Variants in STARD9 observed in about 807,000 individuals in gnomAD.
The protein encoded by STARD9 is stAR-related lipid transfer protein 9.
STARD9 carries 346 observed loss-of-function variants against 399.8 expected under a neutral mutation model. The observed-to-expected ratio is 0.87, with a 90% CI of 0.79 to 0.95. The LOEUF is 0.95. Among genes scored for constraint, STARD9 ranks in the 40% least tolerant of loss-of-function variants. The probability of loss-of-function intolerance (pLI) is 0.00; values close to 1 mark genes in which losing one functional copy is unlikely to be tolerated. For synonymous variants in STARD9, 2,203 were observed against 2,143.5 expected (o/e 1.03, Z -0.77); for missense variants, 5,832 against 5,667.5 (o/e 1.03, Z -0.93).
chr15:42,674,933 G>T lies in STARD9; in HGVS notation c.1656G>T (p.Arg552=). The change falls in exon 18 of 33, where the codon CGG becomes CGT. Residue 552 remains arginine (R), a synonymous_variant. Coordinates refer to ENST00000290607, the MANE Select transcript of STARD9 (RefSeq NM_020759.3). The stretch of plus-strand genomic sequence containing the variant: ...GGGCCCGCTGTACAGTCAATGGCCG[G>T]GAGGTCACTGCCTCCTGCCGTCTGA... ...ARGARCTVNG[R]EVTASCRLTQ... 1 of 1,536,572 alleles carries T rather than the reference G, an allele frequency of 6.5e-7. No homozygotes were observed. The highest frequency in any genetic ancestry group is 8.7e-7 in the Non-Finnish European group (1 of 1,146,622).
At chr15:42,589,335 A>T (rs373463330) in intron 3 of STARD9, among the ~76,000 whole-genome samples, 2 of 152,204 alleles carry the variant, frequency 1.3e-5, no homozygotes, top group South Asian at 4.1e-4. Flanking sequence ...TATAGGCATG[A>T]GTCACCACGC....
chr15:42,658,346 G>C (rs966823260), intron 9 of STARD9, among the ~76,000 whole-genome samples: 6 of 150,214 alleles, frequency 4.0e-5, no homozygotes, highest in Non-Finnish European at 7.4e-5. Context: ...AATAACTTTT[G>C]TATTTTTTTT....
At chr15:42,710,081 A>C (rs1420698031) in intron 26 of STARD9, among the ~76,000 whole-genome samples, 2 of 129,492 alleles carry the variant, frequency 1.5e-5, no homozygotes, top group Non-Finnish European at 3.2e-5. Context: ...TTTTTTTGAG[A>C]CAGGGTCTTG....
At position 42,719,463 on chromosome 15, in the gene STARD9, C is replaced by G. The variant is rs1430558651; in HGVS notation, c.14002-10C>G. The G allele has an allele frequency of 6.6e-7, 1 of 1,523,066 alleles. No individual in the cohort carries two copies. Among genetic ancestry groups the G allele is most frequent in the South Asian group, 1.2e-5 (1 of 83,762 alleles). The allele number at this position is 1,523,066 out of a possible 1,614,324, so 94.3% of individuals were successfully genotyped here. A position where few individuals can be genotyped will look rare whatever the true frequency, so the allele number is the denominator to read the frequency against. On this transcript the variant is annotated splice_polypyrimidine_tract_variant and intron_variant, in intron 32 of 32. Coordinates refer to ENST00000290607, the MANE Select transcript of STARD9 (RefSeq NM_020759.3). ...ATTTGCACCTTAAATTCTTCTCTCT[C>G]TGCTTTCAGGTGGAACTTGGTGCTC...
intron 3 of STARD9, among the ~76,000 whole-genome samples, chr15:42,617,949 G>A (rs902505320): frequency 6.6e-6 from 1 of 151,796 alleles, no homozygotes; most frequent in African/African-American, 2.4e-5. Flanking sequence ...TTGTACATAC[G>A]GGGTCCCACT....
At chr15:42,698,225 T>C (rs535352166) in intron 26 of STARD9, among the ~76,000 whole-genome samples, 34 of 152,224 alleles carry the variant, frequency 2.2e-4, no homozygotes, top group Non-Finnish European at 4.9e-4. Context: ...TATCATTTTG[T>C]ACATAGGCAA....
rs544510397 is a variant in STARD9, at chr15:42,646,160, T to TCAA, written c.560-4840_560-4838dup. 1.7e-3 allele frequency among the ~76,000 whole-genome samples: 253 copies of TCAA among 152,034 alleles called. 3 individuals are homozygous for TCAA. The highest frequency in any genetic ancestry group is 2.4e-3 in the Non-Finnish European group (161 of 67,986). On this transcript the variant is annotated intron_variant, in intron 7 of 32. Coordinates refer to ENST00000290607, the MANE Select transcript of STARD9 (RefSeq NM_020759.3). ...TGGTGAACAAGAGTGAAACTCCGTC[T>TCAA]CAACAACAACAACAACAATAATAAT...
At chr15:42,600,254 G>A (rs1310758540) in intron 3 of STARD9, among the ~76,000 whole-genome samples, 2 of 152,170 alleles carry the variant, frequency 1.3e-5, no homozygotes, top group African/African-American at 4.8e-5. Context: ...AGCCTATATA[G>A]GACATGTCAT....
Position 42,720,084 on chromosome 15 carries a change from T to G in STARD9, c.*510T>G, listed in dbSNP as rs1294160500. On this transcript the variant is annotated 3_prime_UTR_variant, in exon 33 of 33. Coordinates refer to ENST00000290607, the MANE Select transcript of STARD9 (RefSeq NM_020759.3). ...ACAGAAAGAGGGTTTAAAAAACAGC[T>G]GCACAAACCAGAACACCGATTCAGA... 1 of 152,854 alleles carries G rather than the reference T, an allele frequency of 6.5e-6. No homozygotes were observed. Among genetic ancestry groups the G allele is most frequent in the South Asian group, 2.1e-4 (1 of 4,838 alleles). The allele number at this position is 152,854 out of a possible 1,614,324, so 9.5% of individuals were successfully genotyped here. A position where few individuals can be genotyped will look rare whatever the true frequency, so the allele number is the denominator to read the frequency against.
rs577635406 is a variant in STARD9, at chr15:42,691,011, G to T, written c.9433G>T (p.Asp3145Tyr). The T allele has an allele frequency of 8.1e-5, 124 of 1,537,206 alleles. No homozygotes were observed. In the Admixed American group the frequency reaches 2.3e-3, roughly 28 times the overall value. ...AACAACTCAGGGACCACACACCCTGGATTTAAGTGAAGGGTCTGCTGAGAG... is the reference window on the plus strand; with the variant it reads ...AACAACTCAGGGACCACACACCCTGTATTTAAGTGAAGGGTCTGCTGAGAG... ...PATTQGPHTL[D>Y]LSEGSAESKL... Residue 3145 changes from aspartate (D) to tyrosine (Y), a missense_variant, in exon 23 of 33, where the codon GAT (aspartate) becomes TAT (tyrosine). By Grantham distance (160) the Asp-to-Tyr change is radical. Transcript: ENST00000290607.
At position 42,693,795 on chromosome 15, in the gene STARD9, C is replaced by G; in HGVS notation, c.12217C>G (p.Leu4073Val). 6.5e-7 allele frequency: 1 copy of G among 1,536,260 alleles called. No individual in the cohort carries two copies. Reference protein sequence around the residue: ...SASPGEPQRTLDRPSSWGGLQ... With the variant: ...SASPGEPQRTVDRPSSWGGLQ... ...ATCTCCAGGGGAACCACAACGCACT[C>G]TGGACCGACCTTCTTCATGGGGAGG... The change falls in exon 23 of 33, where the codon CTG becomes GTG. Residue 4073 changes from leucine to valine, a missense_variant. Around this residue, in one of 2 missense-constraint regions of STARD9, gnomAD observed 5,828 missense variants for 5,651.1 expected, o/e 1.03. Coordinates refer to ENST00000290607, the MANE Select transcript of STARD9 (RefSeq NM_020759.3).
At chr15:42,643,445 C>G (rs979481513) in intron 7 of STARD9, among the ~76,000 whole-genome samples, 1 of 152,066 alleles carries the variant, frequency 6.6e-6, no homozygotes, top group Non-Finnish European at 1.5e-5. Context: ...ATCCACCTGC[C>G]TTGGCCTCCC....
chr15:42,590,104 A>T (rs2058365300), intron 3 of STARD9, among the ~76,000 whole-genome samples: 1 of 151,548 alleles, frequency 6.6e-6, no homozygotes, highest in African/African-American at 2.4e-5. Context: ...GGGACTACAG[A>T]TACGTGTGCC....
intron 7 of STARD9, among the ~76,000 whole-genome samples, chr15:42,640,849 T>C (rs2059521894): frequency 1.4e-5 from 2 of 145,982 alleles, no homozygotes; most frequent in Non-Finnish European, 3.0e-5. Flanking sequence ...AGTCTGTGTG[T>C]GTATGTGTGG....
rs115067542 is a variant in STARD9, at chr15:42,687,535, G to C, written c.5957G>C (p.Arg1986Pro). 1 of 1,536,954 alleles carries C rather than the reference G, an allele frequency of 6.5e-7. No homozygotes were observed. The highest frequency in any genetic ancestry group is 2.4e-5 in the East Asian group (1 of 40,918). The change falls in exon 23 of 33, where the codon CGT (arginine) becomes CCT (proline). Residue 1986 changes from arginine (R) to proline (P), a missense_variant. Around this residue, in one of 2 missense-constraint regions of STARD9, gnomAD observed 5,828 missense variants for 5,651.1 expected, o/e 1.03. Coordinates refer to ENST00000290607, the MANE Select transcript of STARD9 (RefSeq NM_020759.3). ...NETGLLEKGL[R>P]PKDSSEEFKL... ...ACTGGGCTTCTTGAAAAAGGTCTTC[G>C]TCCCAAAGATAGCTCAGAAGAGTTT... is the stretch of plus-strand genomic sequence containing the variant.
intron 3 of STARD9, among the ~76,000 whole-genome samples, chr15:42,612,215 T>A (rs911575149): frequency 2.0e-5 from 3 of 152,162 alleles, no homozygotes; most frequent in Admixed American, 6.5e-5. Context: ...TGGCCTCAAG[T>A]GATCCTCCAA....
At chr15:42,638,155 C>G in intron 6 of STARD9, 68 bp downstream of exon 6, 1 of 1,390,348 alleles carries the variant, frequency 7.2e-7, no homozygotes, top group Non-Finnish European at 9.9e-7. Context: ...CCATGTTCAG[C>G]TGTCCTCTCT....
intron 16 of STARD9, chr15:42,672,543 C>G (rs2060222938): frequency 6.6e-6 from 1 of 152,322 alleles, no homozygotes; most frequent in South Asian, 2.1e-4. Context: ...CTTGAACTGC[C>G]CTCTGATTCT....
At chr15:42,597,735 C>T (rs1322965598) in intron 3 of STARD9, among the ~76,000 whole-genome samples, 2 of 152,148 alleles carry the variant, frequency 1.3e-5, no homozygotes, top group African/African-American at 4.8e-5. Flanking sequence ...CAGAGTTTCA[C>T]CATGTTGGCC....
Sources: allele counts gnomAD v4.1 joint callset (sites outside exome capture counted in the v4.1 genomes callset), GRCh38; gene constraint gnomAD v4.1.1; regional missense constraint gnomAD v4.1.1; transcripts MANE v1.5; gene names NCBI Gene and HGNC (gene_info 2026-07-23, HGNC 2026-07-21).